PSMD14: variants seen among roughly 807,000 people sequenced by gnomAD.
The protein encoded by PSMD14 is proteasome 26S subunit, non-ATPase 14, also known as ubiquitin C-terminal hydrolase PSMD14.
A neutral mutation model predicts 41.2 loss-of-function variants in PSMD14; 7 were observed. The observed-to-expected ratio is 0.17, with a 90% CI of 0.10 to 0.32. The LOEUF (loss-of-function observed/expected upper bound fraction) is 0.32, where lower values mean the gene tolerates loss of function less well. Among genes scored for constraint, PSMD14 ranks in the 10% least tolerant of loss-of-function variants. PSMD14 has a pLI of 1.00. For missense variants in PSMD14, 139 were observed against 375.6 expected, an observed-to-expected ratio of 0.37 and a Z score of 5.21; for synonymous variants, 114 against 122.3, an observed-to-expected ratio of 0.93 and a Z score of 0.45.
chr2:161,385,295 G>A (rs1683619944), intron 7 of PSMD14, 169 bp from the exon 8 acceptor site: 1 of 399,362 alleles, frequency 2.5e-6, no homozygotes, highest in Non-Finnish European at 4.4e-6. Context: ...AGAGGGTGGT[G>A]TGCTGATGGC....
intron 3 of PSMD14, among the ~76,000 whole-genome samples, chr2:161,350,558 A>T (rs1260637638): frequency 6.6e-6 from 1 of 152,240 alleles, no homozygotes; most frequent in African/African-American, 2.4e-5. Context: ...AAATGTTATT[A>T]TAGTTGTGTT....
chr2:161,367,957 C>T, intron 5 of PSMD14, 54 bp downstream of exon 5: 1 of 1,556,080 alleles, frequency 6.4e-7, no homozygotes, highest in Non-Finnish European at 8.7e-7. Flanking sequence ...TTTCATTTTT[C>T]TTTTCCTATG....
intron 1 of PSMD14, among the ~76,000 whole-genome samples, chr2:161,310,455 C>T (rs1689075597): frequency 6.6e-6 from 1 of 152,114 alleles, no homozygotes; most frequent in South Asian, 2.1e-4. Context: ...ATTTCTTGCT[C>T]AGGAACTTGT....
At chr2:161,367,998 C>T (rs1683382356) in intron 5 of PSMD14, 95 bp downstream of exon 5, 3 of 1,341,086 alleles carry the variant, frequency 2.2e-6, no homozygotes, top group African/African-American at 3.0e-5. Context: ...TACATTTTCT[C>T]TTTCCAGTAG....
intron 10 of PSMD14, among the ~76,000 whole-genome samples, chr2:161,398,868 G>A (rs1447174882): frequency 6.6e-6 from 1 of 151,948 alleles, no homozygotes; most frequent in Non-Finnish European, 1.5e-5. Flanking sequence ...AAAAACAACA[G>A]ATATAAATAT....
chr2:161,377,278 G>A (rs975247183), intron 7 of PSMD14, among the ~76,000 whole-genome samples: 3 of 151,800 alleles, frequency 2.0e-5, no homozygotes, highest in Non-Finnish European at 2.9e-5. Context: ...ATAGGAAATC[G>A]AATACATAAA....
intron 8 of PSMD14, among the ~76,000 whole-genome samples, chr2:161,389,721 A>C (rs1023393803): frequency 6.6e-6 from 1 of 151,752 alleles, no homozygotes; most frequent in Non-Finnish European, 1.5e-5. Flanking sequence ...TCCTTAAAGT[A>C]AATAGACTTA....
chr2:161,387,341 A>G (rs1683647183), intron 8 of PSMD14, among the ~76,000 whole-genome samples: 1 of 152,068 alleles, frequency 6.6e-6, no homozygotes. Flanking sequence ...TTATGTTAGC[A>G]GGATCTTTAA....
At chr2:161,345,871 A>G (rs1007780020) in intron 3 of PSMD14, among the ~76,000 whole-genome samples, 2 of 151,742 alleles carry the variant, frequency 1.3e-5, no homozygotes, top group Non-Finnish European at 2.9e-5. Flanking sequence ...TTCTGTTGCT[A>G]CATCTTCAAG....
intron 3 of PSMD14, among the ~76,000 whole-genome samples, chr2:161,328,154 A>C (rs1682730314): frequency 6.6e-6 from 1 of 152,138 alleles, no homozygotes; most frequent in Non-Finnish European, 1.5e-5. Context: ...TCTGTTACTA[A>C]ACAATTCCAT....
At chr2:161,345,504 G>T (rs534848530) in intron 3 of PSMD14, among the ~76,000 whole-genome samples, 1 of 151,922 alleles carries the variant, frequency 6.6e-6, no homozygotes, top group South Asian at 2.1e-4. Context: ...CAAGCAATCC[G>T]CCCACCTCTG....
intron 10 of PSMD14, among the ~76,000 whole-genome samples, chr2:161,406,285 A>T (rs563959066): frequency 6.6e-6 from 1 of 152,300 alleles, no homozygotes; most frequent in Admixed American, 6.5e-5. Flanking sequence ...ACCGTGCATG[A>T]TGGGATAGCC....
intron 6 of PSMD14, 68 bp from the exon 7 acceptor site, chr2:161,371,104 G>T: frequency 6.6e-7 from 1 of 1,510,942 alleles, no homozygotes; most frequent in Non-Finnish European, 9.1e-7. Flanking sequence ...TTAGTGTGTT[G>T]TTTCTTTTCA....
intron 10 of PSMD14, among the ~76,000 whole-genome samples, chr2:161,403,662 T>G (rs1236872737): frequency 6.6e-6 from 1 of 152,116 alleles, no homozygotes; most frequent in Admixed American, 6.6e-5. Context: ...CTCTGTTGCT[T>G]TATTTCTTAT....
At chr2:161,334,699 T>G (rs1415164093) in intron 3 of PSMD14, among the ~76,000 whole-genome samples, 1 of 152,250 alleles carries the variant, frequency 6.6e-6, no homozygotes, top group African/African-American at 2.4e-5. Flanking sequence ...CCACTGCCAC[T>G]TTTTCATGCT....
intron 3 of PSMD14, 73 bp downstream of exon 3, chr2:161,318,946 G>T: frequency 8.2e-7 from 1 of 1,217,680 alleles, no homozygotes; most frequent in Non-Finnish European, 1.2e-6. Context: ...CAAAGAGAAA[G>T]AAATTATCCC....
At chr2:161,314,211 T>A (rs1689123477) in intron 1 of PSMD14, among the ~76,000 whole-genome samples, 2 of 152,354 alleles carry the variant, frequency 1.3e-5, no homozygotes, top group South Asian at 4.1e-4. Context: ...ATGTGTGAAC[T>A]GCATCAACAT....
chr2:161,362,719 C>T (rs764934504), intron 3 of PSMD14, among the ~76,000 whole-genome samples: 1 of 152,136 alleles, frequency 6.6e-6, no homozygotes, highest in African/African-American at 2.4e-5. Flanking sequence ...CAAAGTCAAC[C>T]TGTGTTGCAT....
intron 1 of PSMD14, among the ~76,000 whole-genome samples, chr2:161,312,986 T>A (rs1559035569): frequency 1.3e-5 from 2 of 152,228 alleles, no homozygotes; most frequent in Non-Finnish European, 2.9e-5. Flanking sequence ...TAGCTAGTGT[T>A]TATTATATGC....
Sources: allele counts gnomAD v4.1 joint callset (sites outside exome capture counted in the v4.1 genomes callset), GRCh38; gene constraint gnomAD v4.1.1; transcripts MANE v1.5; gene names NCBI Gene and HGNC (gene_info 2026-07-23, HGNC 2026-07-21).